Variants in CSMD2 observed in about 807,000 individuals in gnomAD.
CSMD2 encodes the protein CUB and sushi domain-containing protein 2.
In CSMD2, 130 loss-of-function variants were observed where a neutral mutation model predicts 398.5. The ratio of observed to expected loss-of-function variants is 0.33; its 90% CI spans 0.28 to 0.38. The LOEUF (loss-of-function observed/expected upper bound fraction) is 0.38, where lower values mean the gene tolerates loss of function less well. Ranked by LOEUF, CSMD2 falls within the 10% of genes least tolerant of loss-of-function variation. The pLI is 1.00. For missense variants in CSMD2, 3,829 were observed against 4,764.9 expected, an observed-to-expected ratio of 0.80 and a Z score of 5.78; for synonymous variants, 1,828 against 1,908.5, an observed-to-expected ratio of 0.96 and a Z score of 1.10.
chr1:34,124,472 C>A (rs1053088894), intron 1 of CSMD2, among the ~76,000 whole-genome samples: 1 of 152,166 alleles, frequency 6.6e-6, no homozygotes, highest in Non-Finnish European at 1.5e-5. Flanking sequence ...ACTGCTCATG[C>A]CATCGGCTAG....
chr1:33,841,303 G>A (rs941008402), intron 6 of CSMD2, among the ~76,000 whole-genome samples: 9 of 152,194 alleles, frequency 5.9e-5, no homozygotes, highest in Middle Eastern at 3.2e-3. Context: ...CACTGTGCAA[G>A]GGTTTCACCA....
intron 2 of CSMD2, among the ~76,000 whole-genome samples, chr1:34,059,281 G>A (rs1038513045): frequency 2.6e-5 from 4 of 152,132 alleles, no homozygotes; most frequent in Admixed American, 1.3e-4. Flanking sequence ...GAGAGGGGTG[G>A]AGCGAGACCC....
At chr1:33,623,710 G>A (rs561170992) in intron 35 of CSMD2, among the ~76,000 whole-genome samples, 1 of 152,358 alleles carries the variant, frequency 6.6e-6, no homozygotes, top group Non-Finnish European at 1.5e-5. Context: ...TTGCAAGGCA[G>A]AGAATGGGGA....
intron 53 of CSMD2, among the ~76,000 whole-genome samples, chr1:33,566,511 A>G (rs925360039): frequency 6.6e-6 from 1 of 152,186 alleles, no homozygotes; most frequent in African/African-American, 2.4e-5. Flanking sequence ...CAACTAAAAG[A>G]AAAAGATGGT....
At position 33,957,949 on chromosome 1, in the gene CSMD2, G is replaced by A. The variant is rs1437480194; in HGVS notation, c.518-21995C>T. On this transcript the variant is annotated intron_variant, in intron 3 of 70. Coordinates refer to ENST00000373381, the MANE Select transcript of CSMD2 (RefSeq NM_001281956.2). ...AGTCACTGTGTGTGTGTGTGTGTGT[G>A]TGTGTGTGCACGCACGCATGTGTGT... Among the ~76,000 whole-genome samples the A allele has an allele frequency of 2.0e-5, 3 of 151,842 alleles. No individual in the cohort carries two copies. The South Asian group carries it at 6.3e-4, about 32-fold the overall frequency.
intron 19 of CSMD2, among the ~76,000 whole-genome samples, chr1:33,720,621 A>G (rs1259635376): frequency 1.3e-5 from 2 of 152,262 alleles, no homozygotes; most frequent in East Asian, 3.8e-4. Flanking sequence ...TTGTGTAGCT[A>G]GAACTTAGTT....
At chr1:33,714,903 T>G in intron 20 of CSMD2, 128 bp from the exon 21 acceptor site, 4 of 854,760 alleles carry the variant, frequency 4.7e-6, no homozygotes, top group Non-Finnish European at 7.3e-6. Flanking sequence ...GAAGAGGGCA[T>G]GCGCACACTG....
intron 5 of CSMD2, among the ~76,000 whole-genome samples, chr1:33,915,176 T>G: frequency 6.6e-6 from 1 of 152,202 alleles, no homozygotes. Context: ...CAAATCCATC[T>G]TTGCTAACAG....
At chr1:33,859,596 G>A (rs1639340752) in intron 5 of CSMD2, among the ~76,000 whole-genome samples, 1 of 152,216 alleles carries the variant, frequency 6.6e-6, no homozygotes, top group Non-Finnish European at 1.5e-5. Flanking sequence ...AGCATCTTTG[G>A]AGAGGCATTC....
intron 46 of CSMD2, among the ~76,000 whole-genome samples, chr1:33,584,721 T>C (rs940423571): frequency 6.6e-6 from 1 of 151,486 alleles, no homozygotes; most frequent in Non-Finnish European, 1.5e-5. Context: ...AAATAATATA[T>C]GTAAAGCATG....
rs996591822 is a variant in CSMD2, at chr1:33,636,075, G to T, written c.4969+285C>A. The stretch of plus-strand genomic sequence containing the variant: ...CCTTTAAATGACTTCTCCCTGGTGT[G>T]AGCTCCCTGATGTGGCATGTCTGGG... On this transcript the variant is annotated intron_variant, in intron 30 of 70. Coordinates refer to ENST00000373381, the MANE Select transcript of CSMD2 (RefSeq NM_001281956.2). The surrounding 1 kb of genome is among the most constrained non-coding windows in gnomAD (Gnocchi z 4.8). 3.3e-5 allele frequency among the ~76,000 whole-genome samples: 5 copies of T among 152,158 alleles called. No individual in the cohort carries two copies. Among genetic ancestry groups the T allele is most frequent in the African/African-American group, 1.2e-4 (5 of 41,428 alleles).
rs199635660 is a variant in CSMD2, at chr1:33,633,457, G to A, written c.5165C>T (p.Ser1722Leu). Residue 1722 changes from serine to leucine, a missense_variant, in exon 32 of 71, where the codon TCG becomes TTG. Coordinates refer to ENST00000373381, the MANE Select transcript of CSMD2 (RefSeq NM_001281956.2). This position sits in a 1 kb window ranked among gnomAD's most constrained non-coding sequence, Gnocchi z 5.0. ...GCCCGAGAGGGAGCTGAGGAGCCGC[G>A]AGTGCTGGCTGTGGCCGTCGTGAAC... ...VEVHDGHSQH[S>L]RLLSSLSGSH... 6.4e-7 allele frequency: 1 copy of A among 1,554,278 alleles called. No individual in the cohort carries two copies. The highest frequency in any genetic ancestry group is 8.7e-7 in the Non-Finnish European group (1 of 1,148,466).
chr1:34,162,078 A>G (rs1013959519), intron 1 of CSMD2, among the ~76,000 whole-genome samples: 3 of 151,074 alleles, frequency 2.0e-5, no homozygotes, highest in African/African-American at 4.9e-5. Flanking sequence ...AGGCTGAGGC[A>G]GGAGAATCAC....
At chr1:33,717,081 AG>A (rs1172256132) in intron 19 of CSMD2, among the ~76,000 whole-genome samples, 1 of 152,150 alleles carries the variant, frequency 6.6e-6, no homozygotes, top group Admixed American at 6.5e-5. Context: ...TAACCAGGTA[AG>A]GGAAGGAAGA....
chr1:34,023,241 T>G (rs1649164516), intron 3 of CSMD2, among the ~76,000 whole-genome samples: 1 of 152,188 alleles, frequency 6.6e-6, no homozygotes, highest in Non-Finnish European at 1.5e-5. Context: ...TTTTGTTGGA[T>G]AGTGAATGAC....
At chr1:33,856,738 G>A (rs1347456876) in intron 5 of CSMD2, among the ~76,000 whole-genome samples, 1 of 151,992 alleles carries the variant, frequency 6.6e-6, no homozygotes, top group Non-Finnish European at 1.5e-5. Flanking sequence ...TGGAGGATGG[G>A]TGGGCTAAAC....
At chr1:33,715,099 C>G (rs747798235) in intron 20 of CSMD2, among the ~76,000 whole-genome samples, 36 of 152,120 alleles carry the variant, frequency 2.4e-4, no homozygotes, top group Non-Finnish European at 3.8e-4. Context: ...GACAGGCTTC[C>G]CAGGAGGATT....
chr1:33,790,611 A>G (rs1253235128), intron 11 of CSMD2, among the ~76,000 whole-genome samples: 1 of 152,104 alleles, frequency 6.6e-6, no homozygotes, highest in African/African-American at 2.4e-5. Flanking sequence ...TCCCAAAATC[A>G]CATGAGACAA....
At chr1:34,013,840 G>A (rs1352128698) in intron 3 of CSMD2, among the ~76,000 whole-genome samples, 1 of 152,058 alleles carries the variant, frequency 6.6e-6, no homozygotes, top group East Asian at 1.9e-4. Flanking sequence ...ACACGCTAAG[G>A]ATGCTCCAAC....
Sources: allele counts gnomAD v4.1 joint callset (sites outside exome capture counted in the v4.1 genomes callset), GRCh38; gene constraint gnomAD v4.1.1; non-coding constraint Gnocchi (gnomAD v3.1); transcripts MANE v1.5; gene names NCBI Gene and HGNC (gene_info 2026-07-23, HGNC 2026-07-21).